The following PTPRJ variants were observed in gnomAD, a reference collection of about 807,000 sequenced individuals.
PTPRJ encodes receptor-type tyrosine-protein phosphatase eta.
A neutral mutation model predicts 141.3 loss-of-function variants in PTPRJ; 129 were observed. The ratio of observed to expected loss-of-function variants is 0.91; its 90% CI spans 0.79 to 1.06. PTPRJ has a LOEUF of 1.06. PTPRJ is among the 50% of genes least tolerant of loss of function. PTPRJ has a pLI of 0.00. For missense variants in PTPRJ, 1,601 were observed against 1,679.7 expected, an observed-to-expected ratio of 0.95 and a Z score of 0.82; for synonymous variants, 610 against 640.5, an observed-to-expected ratio of 0.95 and a Z score of 0.72.
chr11:48,026,827 G>C (rs1853825254), intron 1 of PTPRJ, among the ~76,000 whole-genome samples: 1 of 151,760 alleles, frequency 6.6e-6, no homozygotes, highest in Admixed American at 6.6e-5. Flanking sequence ...CCCAATTTGT[G>C]GCCTTTTATC....
intron 1 of PTPRJ, among the ~76,000 whole-genome samples, chr11:47,984,275 G>A (rs1462432400): frequency 6.6e-6 from 1 of 152,174 alleles, no homozygotes; most frequent in East Asian, 1.9e-4. Flanking sequence ...TTTGCTTGAG[G>A]TTGGGGCTGA....
intron 1 of PTPRJ, among the ~76,000 whole-genome samples, chr11:47,986,984 G>C (rs892659439): frequency 6.6e-6 from 1 of 152,162 alleles, no homozygotes. Context: ...GGAAGGCAGA[G>C]GTGGGAGGAT....
At chr11:48,079,717 T>C (rs1325161953) in intron 1 of PTPRJ, among the ~76,000 whole-genome samples, 2 of 152,090 alleles carry the variant, frequency 1.3e-5, no homozygotes, top group Non-Finnish European at 2.9e-5. Context: ...ACCTAAGGTG[T>C]TGGAGCTCTT....
chr11:48,071,297 G>GT (rs1414636185), intron 1 of PTPRJ, among the ~76,000 whole-genome samples: 1 of 152,122 alleles, frequency 6.6e-6, no homozygotes, highest in Non-Finnish European at 1.5e-5. Context: ...TTTTGCTGCT[G>GT]TAACAGAATA....
At chr11:48,095,930 G>T (rs776059703) in intron 1 of PTPRJ, among the ~76,000 whole-genome samples, 21 of 152,142 alleles carry the variant, frequency 1.4e-4, no homozygotes, top group Admixed American at 2.6e-4. Context: ...TCCTGCCACA[G>T]CCGTGGTTGG....
At chr11:48,142,185 A>G (rs1857247391) in intron 11 of PTPRJ, among the ~76,000 whole-genome samples, 1 of 152,154 alleles carries the variant, frequency 6.6e-6, no homozygotes, top group African/African-American at 2.4e-5. Context: ...TGGGCTCAGT[A>G]TTCTGTTCTA....
At chr11:48,097,846 T>G (rs573117741) in intron 1 of PTPRJ, among the ~76,000 whole-genome samples, 3 of 152,202 alleles carry the variant, frequency 2.0e-5, no homozygotes, top group African/African-American at 4.8e-5. Flanking sequence ...CCTGAATTTT[T>G]TTTTGTTTTG....
intron 15 of PTPRJ, among the ~76,000 whole-genome samples, chr11:48,148,626 G>A (rs1857407980): frequency 6.6e-6 from 1 of 152,056 alleles, no homozygotes; most frequent in East Asian, 1.9e-4. Flanking sequence ...TTTTAGTAGA[G>A]ATGGAGTTTT....
intron 1 of PTPRJ, among the ~76,000 whole-genome samples, chr11:48,028,328 C>G (rs1590416709): frequency 6.6e-6 from 1 of 152,208 alleles, no homozygotes; most frequent in East Asian, 1.9e-4. Context: ...GGTAGCCCAT[C>G]ATGCAGTTCT....
At chr11:48,088,826 C>A (rs967782606) in intron 1 of PTPRJ, among the ~76,000 whole-genome samples, 3 of 152,150 alleles carry the variant, frequency 2.0e-5, no homozygotes, top group South Asian at 2.1e-4. Context: ...TCTACTGAGG[C>A]TTTGTTGTGC....
chr11:47,998,415 T>TA (rs1270090198), intron 1 of PTPRJ, among the ~76,000 whole-genome samples: 4 of 152,240 alleles, frequency 2.6e-5, no homozygotes, highest in African/African-American at 9.6e-5. Flanking sequence ...TGTATTAAAT[T>TA]ACCACATGTG....
intron 1 of PTPRJ, among the ~76,000 whole-genome samples, chr11:47,987,544 G>A (rs1239235766): frequency 6.6e-6 from 1 of 152,198 alleles, no homozygotes; most frequent in Non-Finnish European, 1.5e-5. Flanking sequence ...AGTCACAGTT[G>A]TGATGTAGGA....
rs761735478 is a variant in PTPRJ, at chr11:48,056,953, TCAAAA to T, written c.97-53088_97-53084del. 7.2e-5 allele frequency among the ~76,000 whole-genome samples: 11 copies of T among 152,250 alleles called. No individual in the cohort carries two copies. In the East Asian group the frequency reaches 1.3e-3, roughly 19 times the overall value. On this transcript the variant is annotated intron_variant, in intron 1 of 24. Transcript: ENST00000418331. ...TGGGCGACAAGAGCGAAACTCTGTCTCAAAACAAAACAAAACAAAACTCAGGCACA... is the reference window on the plus strand; with the variant it reads ...TGGGCGACAAGAGCGAAACTCTGTCTCAAAACAAAACAAAACTCAGGCACA...
intron 1 of PTPRJ, among the ~76,000 whole-genome samples, chr11:48,047,498 A>ATTT (rs58387057): frequency 2.7e-5 from 4 of 146,616 alleles, no homozygotes; most frequent in African/African-American, 7.6e-5. Flanking sequence ...ACCTATGGTA[A>ATTT]TTTTTTTTTT....
chr11:48,063,102 T>C (rs1854983926), intron 1 of PTPRJ, among the ~76,000 whole-genome samples: 1 of 152,148 alleles, frequency 6.6e-6, no homozygotes, highest in African/African-American at 2.4e-5. Flanking sequence ...CCGAGGTGGG[T>C]GGATCACCTG....
Position 48,144,886 on chromosome 11 carries a change from G to A in PTPRJ, c.2786+1G>A. On this transcript the variant is annotated splice_donor_variant, in intron 13 of 24. Coordinates refer to ENST00000418331, the MANE Select transcript of PTPRJ (RefSeq NM_002843.4). LOFTEE classifies it high-confidence loss of function. ...AGCTGGAACCTCTGGGCTCCTACCGGTAATGTCTTCTGGTTCTTACTCTTT... is the reference window on the plus strand; with the variant it reads ...AGCTGGAACCTCTGGGCTCCTACCGATAATGTCTTCTGGTTCTTACTCTTT... The A allele has an allele frequency of 6.2e-7, 1 of 1,614,124 alleles. No individual in the cohort carries two copies. The highest frequency in any genetic ancestry group is 8.5e-7 in the Non-Finnish European group (1 of 1,179,994).
At chr11:48,121,292 A>T in intron 4 of PTPRJ, 26 bp downstream of exon 4, 2 of 1,608,038 alleles carry the variant, frequency 1.2e-6, no homozygotes, top group Non-Finnish European at 1.7e-6. Context: ...CCCAGGGATG[A>T]TGACAAACCA....
intron 1 of PTPRJ, among the ~76,000 whole-genome samples, chr11:48,002,808 G>A (rs931255394): frequency 3.3e-5 from 5 of 152,186 alleles, no homozygotes; most frequent in African/African-American, 1.2e-4. Context: ...TCAAGTGGCT[G>A]CTTTAGTTGA....
chr11:48,126,807 C>G (rs868525718), intron 6 of PTPRJ, among the ~76,000 whole-genome samples: 3 of 125,258 alleles, frequency 2.4e-5, no homozygotes, highest in African/African-American at 3.5e-5. Context: ...CACACACACA[C>G]ACACACACAC....
Sources: gnomAD v4.1 joint callset for allele counts (sites outside exome capture counted in the v4.1 genomes callset) on GRCh38, gnomAD v4.1.1 for gene constraint, MANE v1.5 for transcripts, NCBI Gene and HGNC (gene_info 2026-07-23, HGNC 2026-07-21) for gene names.